Variants in MACROD2 observed in about 807,000 individuals in gnomAD.
MACROD2 encodes ADP-ribose glycohydrolase MACROD2.
In MACROD2, 36 loss-of-function variants were observed where a neutral mutation model predicts 70.4. The observed-to-expected ratio is 0.51, with a 90% CI of 0.39 to 0.68. MACROD2 has a LOEUF of 0.68. Ranked by LOEUF, MACROD2 falls within the 30% of genes least tolerant of loss-of-function variation. The pLI is 0.00. For synonymous variants in MACROD2, 172 were observed against 178.8 expected (o/e 0.96, Z 0.30); for missense variants, 496 against 538.4 (o/e 0.92, Z 0.78).
intron 2 of MACROD2, among the ~76,000 whole-genome samples, chr20:14,058,317 G>A (rs1394772368): frequency 6.6e-6 from 1 of 151,682 alleles, no homozygotes; most frequent in African/African-American, 2.4e-5. Flanking sequence ...ACTTAATCAC[G>A]ATTGTATTAC....
intron 5 of MACROD2, among the ~76,000 whole-genome samples, chr20:14,974,056 T>A (rs942217605): frequency 1.3e-5 from 2 of 152,196 alleles, no homozygotes; most frequent in Non-Finnish European, 2.9e-5. Context: ...TGGAAATTGC[T>A]GCATCACTAT....
At chr20:15,165,114 T>C (rs2076374708) in intron 5 of MACROD2, among the ~76,000 whole-genome samples, 1 of 152,084 alleles carries the variant, frequency 6.6e-6, no homozygotes, top group Admixed American at 6.6e-5. Flanking sequence ...AAAATTAAAA[T>C]ATAAATGAAA....
At position 14,093,952 on chromosome 20, in the gene MACROD2, C is replaced by G. The variant is rs145004144; in HGVS notation, c.271+8224C>G. Among the ~76,000 whole-genome samples the G allele has an allele frequency of 5.4e-4, 81 of 151,200 alleles. 1 individual carries two copies. Among genetic ancestry groups the G allele is most frequent in the African/African-American group, 1.9e-3 (77 of 41,228 alleles). ...CAGGCAGAGGCCAGATCATGAAGTG[C>G]TTTGTATGTCACTTTGAGGGCTGAG... On this transcript the variant is annotated intron_variant, in intron 3 of 17. Transcript: ENST00000684519.
intron 6 of MACROD2, among the ~76,000 whole-genome samples, chr20:15,266,994 G>A (rs2077301175): frequency 6.6e-6 from 1 of 152,236 alleles, no homozygotes; most frequent in South Asian, 2.1e-4. Context: ...TGCAAATAAT[G>A]TGGATTTTAT....
intron 6 of MACROD2, among the ~76,000 whole-genome samples, chr20:15,296,135 A>T (rs1313003601): frequency 6.6e-6 from 1 of 152,140 alleles, no homozygotes; most frequent in Non-Finnish European, 1.5e-5. Context: ...TACCACCTAC[A>T]CCACCAGCCC....
chr20:15,715,913 A>G (rs1004791743), intron 8 of MACROD2, among the ~76,000 whole-genome samples: 6 of 152,168 alleles, frequency 3.9e-5, no homozygotes, highest in African/African-American at 1.4e-4. Context: ...GCCTCCTCCA[A>G]GCTTGCCATG....
intron 5 of MACROD2, among the ~76,000 whole-genome samples, chr20:14,874,434 T>G (rs2073526123): frequency 6.7e-6 from 1 of 150,120 alleles, no homozygotes; most frequent in Non-Finnish European, 1.5e-5. Context: ...AATTCAAAGC[T>G]ACCAAGGGAG....
At chr20:15,316,337 G>GC (rs2077810370) in intron 6 of MACROD2, among the ~76,000 whole-genome samples, 1 of 144,858 alleles carries the variant, frequency 6.9e-6, no homozygotes, top group Non-Finnish European at 1.5e-5. Flanking sequence ...TGGGTTCAAA[G>GC]CAAAAATATG....
intron 15 of MACROD2, among the ~76,000 whole-genome samples, chr20:16,029,592 C>T (rs560649615): frequency 2.0e-5 from 3 of 152,288 alleles, no homozygotes; most frequent in East Asian, 1.9e-4. Flanking sequence ...GCGGAAGGAA[C>T]GAGCCTGGTG....
chr20:15,359,673 A>G (rs1475732101), intron 6 of MACROD2, among the ~76,000 whole-genome samples: 1 of 152,050 alleles, frequency 6.6e-6, no homozygotes, highest in Non-Finnish European at 1.5e-5. Context: ...CTTTCTCTAT[A>G]TATGCACATG....
At chr20:14,200,360 C>T (rs1186940321) in intron 3 of MACROD2, among the ~76,000 whole-genome samples, 1 of 152,070 alleles carries the variant, frequency 6.6e-6, no homozygotes, top group Non-Finnish European at 1.5e-5. Flanking sequence ...ACAACACACA[C>T]TGGGGCCTAT....
chr20:15,233,963 T>TTTTATA (rs2076982127), intron 6 of MACROD2, among the ~76,000 whole-genome samples: 1 of 76,560 alleles, frequency 1.3e-5, no homozygotes, highest in African/African-American at 6.4e-5. Context: ...TCCAAAAAAT[T>TTTTATA]TATTTTTATA....
At chr20:14,026,054 A>ATAGT (rs1436321694) in intron 2 of MACROD2, among the ~76,000 whole-genome samples, 2 of 152,300 alleles carry the variant, frequency 1.3e-5, no homozygotes, top group East Asian at 3.9e-4. Context: ...TATATTTAGC[A>ATAGT]TAGTTAGCTC....
chr20:14,261,842 T>G (rs1279085880), intron 3 of MACROD2, among the ~76,000 whole-genome samples: 3 of 152,006 alleles, frequency 2.0e-5, no homozygotes, highest in Non-Finnish European at 4.4e-5. Context: ...GTAATCAAAG[T>G]CTTCTTGGGA....
chr20:15,055,734 G>C (rs1427120064), intron 5 of MACROD2, among the ~76,000 whole-genome samples: 1 of 151,910 alleles, frequency 6.6e-6, no homozygotes, highest in South Asian at 2.1e-4. Context: ...CTAAATGCAA[G>C]GGCTACTGTC....
At chr20:15,157,359 A>AC (rs1568606906) in intron 5 of MACROD2, among the ~76,000 whole-genome samples, 164 of 115,152 alleles carry the variant, frequency 1.4e-3, no homozygotes, top group Admixed American at 2.1e-3. Flanking sequence ...ACCCCCCCCC[A>AC]CCTCCCCCCC....
intron 6 of MACROD2, among the ~76,000 whole-genome samples, chr20:15,378,024 G>A (rs1380915126): frequency 2.6e-5 from 4 of 152,026 alleles, no homozygotes; most frequent in Non-Finnish European, 4.4e-5. Context: ...TATAGCATTA[G>A]GAGAAACATC....
At chr20:14,827,671 G>T (rs1600703299) in intron 5 of MACROD2, among the ~76,000 whole-genome samples, 2 of 149,306 alleles carry the variant, frequency 1.3e-5, no homozygotes. Flanking sequence ...TTATTTTTGT[G>T]TACCCATATT....
intron 7 of MACROD2, 66 bp downstream of exon 7, chr20:15,431,501 T>G: frequency 6.9e-7 from 1 of 1,455,720 alleles, no homozygotes; most frequent in East Asian, 2.3e-5. Context: ...AGAGATTCAG[T>G]GAAAAAATAA....
Sources: gnomAD v4.1 joint callset for allele counts (sites outside exome capture counted in the v4.1 genomes callset) on GRCh38, gnomAD v4.1.1 for gene constraint, MANE v1.5 for transcripts, NCBI Gene and HGNC (gene_info 2026-07-23, HGNC 2026-07-21) for gene names.